RAB27A: variants seen among roughly 807,000 people sequenced by gnomAD.
RAB27A encodes the protein ras-related protein Rab-27A.
RAB27A carries 17 observed loss-of-function variants against 20.8 expected under a neutral mutation model. The observed-to-expected ratio is 0.82, with a 90% CI of 0.56 to 1.23. The LOEUF (loss-of-function observed/expected upper bound fraction) is 1.23. Ranked by LOEUF, RAB27A falls within the 50% of genes most tolerant of loss-of-function variation. The pLI is 0.00. For synonymous variants in RAB27A, 85 were observed against 92.8 expected, an observed-to-expected ratio of 0.92 and a Z score of 0.48; for missense variants, 277 against 266.7, an observed-to-expected ratio of 1.04 and a Z score of -0.27.
At chr15:55,225,966 C>G (rs1355533789) in intron 5 of RAB27A, among the ~76,000 whole-genome samples, 1 of 151,986 alleles carries the variant, frequency 6.6e-6, no homozygotes, top group Non-Finnish European at 1.5e-5. Flanking sequence ...AAAGAATAAG[C>G]AGAACTCCAG....
At chr15:55,223,429 A>G (rs1895666368) in intron 6 of RAB27A, among the ~76,000 whole-genome samples, 1 of 151,852 alleles carries the variant, frequency 6.6e-6, no homozygotes, top group African/African-American at 2.4e-5. Flanking sequence ...GAATCGCTTG[A>G]ACCCGGGAGG....
upstream of RAB27A, among the ~76,000 whole-genome samples, chr15:55,294,451 G>C (rs2054938676): frequency 6.6e-6 from 1 of 151,900 alleles, no homozygotes; most frequent in African/African-American, 2.4e-5. Flanking sequence ...AGCCAGACGT[G>C]GTGGCTTGCA....
intron 1 of RAB27A, among the ~76,000 whole-genome samples, chr15:55,288,444 C>A (rs1898214968): frequency 6.6e-6 from 1 of 152,062 alleles, no homozygotes; most frequent in Admixed American, 6.6e-5. Context: ...TCACTTCAAC[C>A]CAGGAAGCGG....
chr15:55,302,972 A>G (rs1253675119), intron 2 of RAB27A, among the ~76,000 whole-genome samples: 4,119 of 108,992 alleles, frequency 0.038, 121 homozygotes, highest in African/African-American at 0.1. Context: ...CACCCCGTCC[A>G]AGAGGGAGGT....
chr15:55,210,014 A>G (rs1380733880), intron 6 of RAB27A, among the ~76,000 whole-genome samples: 2 of 144,684 alleles, frequency 1.4e-5, no homozygotes, highest in East Asian at 2.1e-4. Context: ...GTACATGTAC[A>G]TATATACGCA....
chr15:55,262,637 T>TTTTA, intron 2 of RAB27A, among the ~76,000 whole-genome samples: 1 of 102,920 alleles, frequency 9.7e-6, no homozygotes, highest in Admixed American at 9.1e-5. Context: ...TTTTCTTTTT[T>TTTTA]TTTGTTTTTT....
chr15:55,208,086 G>A (rs568301188), intron 6 of RAB27A, among the ~76,000 whole-genome samples: 2 of 152,312 alleles, frequency 1.3e-5, no homozygotes, highest in African/African-American at 4.8e-5. Flanking sequence ...AGATATTGCA[G>A]AACTATTTGT....
intron 2 of RAB27A, among the ~76,000 whole-genome samples, chr15:55,261,574 CAA>C (rs112209083): frequency 1.2e-4 from 14 of 116,834 alleles, no homozygotes; most frequent in Admixed American, 1.7e-4. Flanking sequence ...CTAAAAATAC[CAA>C]AAAAAAAAAA....
intron 6 of RAB27A, among the ~76,000 whole-genome samples, chr15:55,221,004 T>C (rs1018466525): frequency 6.6e-6 from 1 of 152,174 alleles, no homozygotes; most frequent in Non-Finnish European, 1.5e-5. Flanking sequence ...AAACTATAGA[T>C]TGAGCTCCTC....
Position 55,265,637 on chromosome 15 carries a change from T to TAAA in RAB27A, c.-23+4525_-23+4527dup, listed in dbSNP as rs113697268. On this transcript the variant is annotated intron_variant, in intron 2 of 6. Transcript: ENST00000336787. Reference sequence around the variant, plus strand: ...GTAAGGAATGCCTGATGCTCAAAATTAAAAAAAAAAAAAAGACCAGGTTTC... The same window carrying TAAA: ...GTAAGGAATGCCTGATGCTCAAAATTAAAAAAAAAAAAAAAAAGACCAGGTTTC... 2.1e-5 allele frequency among the ~76,000 whole-genome samples: 3 copies of TAAA among 140,554 alleles called. No homozygotes were observed. The East Asian group carries it at 6.2e-4, about 29-fold the overall frequency. The allele number at this position is 140,554 out of a possible 152,430, so 92.2% of individuals were successfully genotyped here. A position where few individuals can be genotyped will look rare whatever the true frequency, so the allele number is the denominator to read the frequency against.
intron 2 of RAB27A, among the ~76,000 whole-genome samples, chr15:55,265,256 G>A (rs1033394464): frequency 6.6e-6 from 1 of 151,878 alleles, no homozygotes; most frequent in East Asian, 1.9e-4. Flanking sequence ...AAAAAAAGAA[G>A]AAGAAGAAGA....
chr15:55,206,689 A>G (rs1005165516), intron 6 of RAB27A, among the ~76,000 whole-genome samples: 2 of 152,172 alleles, frequency 1.3e-5, no homozygotes, highest in African/African-American at 4.8e-5. Flanking sequence ...AGCCGTTTAA[A>G]TTCCTCTAAG....
chr15:55,228,809 C>T, intron 4 of RAB27A, 97 bp from the exon 5 acceptor site: 1 of 819,068 alleles, frequency 1.2e-6, no homozygotes. Flanking sequence ...AAAAGTTTAC[C>T]AATAACAAGC....
chr15:55,247,720 A>C (rs1566918895), intron 2 of RAB27A, among the ~76,000 whole-genome samples: 1 of 152,182 alleles, frequency 6.6e-6, no homozygotes, highest in Non-Finnish European at 1.5e-5. Context: ...CGTGTTAAAC[A>C]TGACTGTCCA....
intron 3 of RAB27A, among the ~76,000 whole-genome samples, chr15:55,234,175 G>A (rs28581943): frequency 0.045 from 6,796 of 152,226 alleles, 535 homozygotes; most frequent in African/African-American, 0.16. Flanking sequence ...ATCTGCAACT[G>A]TGACACCATG....
chr15:55,239,575 G>C (rs997259293), intron 2 of RAB27A, among the ~76,000 whole-genome samples: 1 of 152,116 alleles, frequency 6.6e-6, no homozygotes, highest in African/African-American at 2.4e-5. Flanking sequence ...AGATAACAGG[G>C]AAATATGTGA....
chr15:55,205,656 C>T lies in RAB27A; in HGVS notation c.517G>A (p.Ala173Thr), dbSNP rs752581278. The T allele has an allele frequency of 1.1e-5, 17 of 1,613,952 alleles. No homozygotes were observed. The highest frequency in any genetic ancestry group is 3.3e-5 in the Admixed American group (2 of 59,992). ...ATCAGGTCCAGAAGCATCTCAATTG[C>T]TTGGCTTATGTTTGTCCCATTGGCA... ...SAANGTNISQ[A>T]IEMLLDLIMK... Residue 173 changes from alanine to threonine, a missense_variant, in exon 7 of 7, where the codon GCA (alanine) becomes ACA (threonine). Physicochemically the swap from Ala to Thr is moderately conservative, Grantham distance 58. Transcript: ENST00000336787.
chr15:55,251,916 A>G (rs1396686494), intron 2 of RAB27A, among the ~76,000 whole-genome samples: 1 of 152,100 alleles, frequency 6.6e-6, no homozygotes, highest in East Asian at 1.9e-4. Flanking sequence ...GGAAGGAGAA[A>G]GCGGCATGAG....
chr15:55,274,794 T>TTATATATATATACATATA lies in RAB27A; in HGVS notation c.-142-4511_-142-4510insTATATGTATATATATATA, dbSNP rs1555399450. Among the ~76,000 whole-genome samples the TTATATATATATACATATA allele has an allele frequency of 5.9e-4, 31 of 52,154 alleles. 2 individuals are homozygous for TTATATATATATACATATA. The highest frequency in any genetic ancestry group is 1.5e-3 in the African/African-American group (25 of 17,218). 34.2% of individuals were successfully genotyped at this position (52,154 alleles called of 152,430 possible). ...ATCCGTCCTTAAAAAAATAAATAAA[T>TTATATATATATACATATA]TATATATATATATATATATATATAT... is the stretch of plus-strand genomic sequence containing the variant. On this transcript the variant is annotated intron_variant, in intron 1 of 6. Transcript: ENST00000336787.
Sources: allele counts gnomAD v4.1 joint callset (sites outside exome capture counted in the v4.1 genomes callset), GRCh38; gene constraint gnomAD v4.1.1; transcripts MANE v1.5; gene names NCBI Gene and HGNC (gene_info 2026-07-23, HGNC 2026-07-21).